TBC1D5: variants seen among roughly 807,000 people sequenced by gnomAD.
The protein encoded by TBC1D5 is TBC1 domain family, member 5.
A neutral mutation model predicts 100.3 loss-of-function variants in TBC1D5; 75 were observed. The ratio of observed to expected loss-of-function variants is 0.75; its 90% confidence interval spans 0.62 to 0.91. The LOEUF (loss-of-function observed/expected upper bound fraction) is 0.91, where lower values mean the gene tolerates loss of function less well. Among genes scored for constraint, TBC1D5 ranks in the 40% least tolerant of loss-of-function variants. TBC1D5 has a pLI of 0.00. For missense variants in TBC1D5, 910 were observed against 942.4 expected (o/e 0.97, Z 0.45); for synonymous variants, 323 against 325.6 (o/e 0.99, Z 0.09).
chr3:17,270,442 A>C (rs1401583126), intron 15 of TBC1D5, among the ~76,000 whole-genome samples: 1 of 152,074 alleles, frequency 6.6e-6, no homozygotes, highest in Non-Finnish European at 1.5e-5. Context: ...GTTAGCACAG[A>C]AAGATTGAGC....
chr3:17,422,126 T>C (rs1484735573), intron 4 of TBC1D5, among the ~76,000 whole-genome samples: 3 of 152,118 alleles, frequency 2.0e-5, no homozygotes, highest in Non-Finnish European at 2.9e-5. Context: ...AGCAAATAAA[T>C]TGATTGAGCC....
chr3:17,510,597 G>A (rs772634961), intron 2 of TBC1D5, among the ~76,000 whole-genome samples: 19 of 151,954 alleles, frequency 1.3e-4, no homozygotes, highest in Non-Finnish European at 2.2e-4. Context: ...AGAGGACAGC[G>A]AAATGTAGAT....
At chr3:17,203,094 G>A (rs1011559935) in intron 18 of TBC1D5, among the ~76,000 whole-genome samples, 1 of 152,210 alleles carries the variant, frequency 6.6e-6, no homozygotes, top group Non-Finnish European at 1.5e-5. Flanking sequence ...GCAGCTGAGG[G>A]GGCTGTACCC....
rs2095602416 is a variant in TBC1D5, at chr3:17,488,823, G to A, written c.97+19651C>T. ...CAGGCCACACAATAGGAAGTGAGTG[G>A]TGGGCGAGCATGCATTACCACCTGA... On this transcript the variant is annotated intron_variant, in intron 3 of 21. Coordinates refer to ENST00000253692, the Ensembl canonical transcript of TBC1D5. Among the ~76,000 whole-genome samples the A allele has an allele frequency of 2.0e-5, 3 of 151,912 alleles. No homozygotes were observed. In the East Asian group the frequency reaches 5.8e-4, roughly 29 times the overall value.
intron 3 of TBC1D5, among the ~76,000 whole-genome samples, chr3:17,507,795 T>C (rs1253395529): frequency 6.6e-6 from 1 of 152,112 alleles, no homozygotes; most frequent in African/African-American, 2.4e-5. Flanking sequence ...AAACTAAGGA[T>C]AAGGCTTCAA....
At chr3:17,731,333 T>C (rs1415076411) in intron 1 of TBC1D5, among the ~76,000 whole-genome samples, 1 of 151,738 alleles carries the variant, frequency 6.6e-6, no homozygotes, top group African/African-American at 2.4e-5. Context: ...AAACCCCATC[T>C]CTAATAAAAA....
At chr3:17,234,172 A>C (rs1306119262) in intron 17 of TBC1D5, among the ~76,000 whole-genome samples, 1 of 152,162 alleles carries the variant, frequency 6.6e-6, no homozygotes, top group East Asian at 1.9e-4. Context: ...ATTTTTAACT[A>C]ACTTGAAACC....
At chr3:17,682,878 G>C (rs1560456603) in intron 1 of TBC1D5, among the ~76,000 whole-genome samples, 1 of 151,490 alleles carries the variant, frequency 6.6e-6, no homozygotes, top group Non-Finnish European at 1.5e-5. Flanking sequence ...GATGCAGTCA[G>C]TTACTTATGG....
At chr3:17,512,947 A>T (rs1453359521) in intron 2 of TBC1D5, among the ~76,000 whole-genome samples, 1 of 152,192 alleles carries the variant, frequency 6.6e-6, no homozygotes, top group Non-Finnish European at 1.5e-5. Flanking sequence ...CAAATAGTTA[A>T]TTTTTAATAA....
At chr3:17,696,012 C>T (rs897694060) in intron 1 of TBC1D5, among the ~76,000 whole-genome samples, 3 of 152,024 alleles carry the variant, frequency 2.0e-5, no homozygotes, top group Non-Finnish European at 2.9e-5. Context: ...GGGTAAATAT[C>T]GAAATGAAGG....
At chr3:17,278,103 G>A (rs1256815278) in intron 15 of TBC1D5, among the ~76,000 whole-genome samples, 1 of 152,140 alleles carries the variant, frequency 6.6e-6, no homozygotes, top group Non-Finnish European at 1.5e-5. Context: ...AAGACCTTAG[G>A]AAATATAAAA....
intron 2 of TBC1D5, among the ~76,000 whole-genome samples, chr3:17,560,570 G>A (rs2096551861): frequency 7.5e-6 from 1 of 133,910 alleles, no homozygotes; most frequent in Non-Finnish European, 1.5e-5. Flanking sequence ...AGTGAGCTAT[G>A]ATTATGCCAC....
intron 1 of TBC1D5, among the ~76,000 whole-genome samples, chr3:17,636,953 C>G (rs1169804522): frequency 6.6e-6 from 1 of 152,026 alleles, no homozygotes; most frequent in African/African-American, 2.4e-5. Flanking sequence ...AACTAGATCT[C>G]TCCTTAGCTT....
chr3:17,489,729 TACC>T (rs2095615057), intron 3 of TBC1D5, among the ~76,000 whole-genome samples: 2 of 152,238 alleles, frequency 1.3e-5, no homozygotes, highest in Admixed American at 1.3e-4. Flanking sequence ...GGTGAATATG[TACC>T]ACATTTTCTT....
At chr3:17,163,942 G>T (rs541274596) in intron 21 of TBC1D5, among the ~76,000 whole-genome samples, 4 of 152,190 alleles carry the variant, frequency 2.6e-5, no homozygotes, top group African/African-American at 9.7e-5. Flanking sequence ...CAAGTGATGC[G>T]TTGGCTGACT....
intron 13 of TBC1D5, among the ~76,000 whole-genome samples, chr3:17,329,600 T>C (rs560612264): frequency 8.3e-4 from 126 of 152,298 alleles, no homozygotes; most frequent in African/African-American, 2.9e-3. Context: ...TTTTGCAAAG[T>C]GAGTTACGAA....
intron 1 of TBC1D5, among the ~76,000 whole-genome samples, chr3:17,686,041 A>G (rs2070226672): frequency 6.6e-6 from 1 of 152,126 alleles, no homozygotes; most frequent in Admixed American, 6.5e-5. Context: ...ACAGTATCCA[A>G]CTTTCTCTAT....
chr3:17,166,702 T>C lies in TBC1D5; in HGVS notation c.2094+65A>G, dbSNP rs1245265427. The C allele has an allele frequency of 1.2e-5, 18 of 1,549,560 alleles. No homozygotes were observed. In the South Asian group the frequency reaches 1.2e-4, roughly 11 times the overall value. The stretch of plus-strand genomic sequence containing the variant: ...ACTTTGGTAGGGTGTATTCTTAACT[T>C]TGAGGAACTTATGTGAATGTGCTCC... On this transcript the variant is annotated intron_variant, in intron 21 of 21. Transcript: ENST00000253692.
chr3:17,551,382 CTTTAA>C (rs962583424), intron 2 of TBC1D5, among the ~76,000 whole-genome samples: 4 of 152,246 alleles, frequency 2.6e-5, no homozygotes, highest in Non-Finnish European at 5.9e-5. Context: ...AAATACTCCT[CTTTAA>C]TTTATTACAG....
Sources: gnomAD v4.1 joint callset for allele counts (sites outside exome capture counted in the v4.1 genomes callset) on GRCh38, gnomAD v4.1.1 for gene constraint, MANE v1.5 for transcripts, NCBI Gene and HGNC (gene_info 2026-07-23, HGNC 2026-07-21) for gene names.